SLC25A48: variants seen among roughly 807,000 people sequenced by gnomAD.
SLC25A48 encodes solute carrier family 25 member 48.
A neutral mutation model predicts 32.2 loss-of-function variants in SLC25A48; 29 were observed. That is an observed-to-expected ratio of 0.90 (90% CI 0.67 to 1.23). The LOEUF (loss-of-function observed/expected upper bound fraction) is 1.23, where lower values mean the gene tolerates loss of function less well. Among genes scored for constraint, SLC25A48 ranks in the 50% most tolerant of loss-of-function variants. SLC25A48 has a pLI of 0.00. For missense variants in SLC25A48, 399 were observed against 422.7 expected, an observed-to-expected ratio of 0.94 and a Z score of 0.49; for synonymous variants, 164 against 172.3, an observed-to-expected ratio of 0.95 and a Z score of 0.38.
At chr5:135,824,306 C>T (rs931483235) in intron 4 of SLC25A48, 2 of 152,306 alleles carry the variant, frequency 1.3e-5, no homozygotes, top group Non-Finnish European at 2.9e-5. Flanking sequence ...CTTTGTAAGA[C>T]CCCTCTGGAC....
chr5:135,772,008 C>T (rs1159769139), intron 3 of SLC25A48, among the ~76,000 whole-genome samples: 4 of 151,322 alleles, frequency 2.6e-5, no homozygotes, highest in African/African-American at 7.3e-5. Context: ...CTGTACACTC[C>T]CCTATGATAT....
intron 3 of SLC25A48, among the ~76,000 whole-genome samples, chr5:135,756,852 T>C (rs1022127268): frequency 6.6e-6 from 1 of 151,714 alleles, no homozygotes; most frequent in African/African-American, 2.4e-5. Context: ...TAACACAGTG[T>C]TAGCACACTA....
At chr5:135,832,131 C>T (rs560075553), upstream of SLC25A48, among the ~76,000 whole-genome samples, 39 of 152,086 alleles carry the variant, frequency 2.6e-4, no homozygotes, top group Non-Finnish European at 4.9e-4. Context: ...TAAGATGACC[C>T]GAGCCACCCA....
At position 135,866,980 on chromosome 5, in the gene SLC25A48, C is replaced by T. The variant is rs1761253250; in HGVS notation, c.422-4481C>T. On this transcript the variant is annotated intron_variant, in intron 4 of 7. Coordinates refer to ENST00000681962, the MANE Select transcript of SLC25A48 (RefSeq NM_001349336.2). The stretch of plus-strand genomic sequence containing the variant: ...GTAGTATGCCCTTGATCTAGAGAGG[C>T]AGCAGTTTTTGAGGTACGTAATCCA... Among the ~76,000 whole-genome samples the T allele has an allele frequency of 2.0e-5, 3 of 152,136 alleles. No individual in the cohort carries two copies. In the South Asian group the frequency reaches 6.2e-4, roughly 32 times the overall value.
rs1217620749 is a variant in SLC25A48 at position 135,639,616 on chromosome 5, G to A, written c.-521+4660G>A. ...AGATGAATTATGATCAAGCCAGAAT[G>A]GAGAGAACTCAATAAGCATCTCAAA... On this transcript the variant is annotated intron_variant, in intron 3 of 10. Coordinates refer to the SLC25A48 transcript ENST00000646290. 2.0e-5 allele frequency among the ~76,000 whole-genome samples: 3 copies of A among 152,084 alleles called. No homozygotes were observed. The South Asian group carries it at 6.2e-4, about 32-fold the overall frequency.
chr5:135,879,626 G>C (rs1762312852), intron 6 of SLC25A48, among the ~76,000 whole-genome samples: 1 of 151,904 alleles, frequency 6.6e-6, no homozygotes, highest in African/African-American at 2.4e-5. Context: ...GTGTGTGTGT[G>C]TGTGTGTGTG....
chr5:135,843,716 G>T (rs1026166143), intron 2 of SLC25A48, among the ~76,000 whole-genome samples: 6 of 152,212 alleles, frequency 3.9e-5, no homozygotes, highest in Non-Finnish European at 7.3e-5. Flanking sequence ...GGACAAGCTA[G>T]TGCAAAGCCC....
chr5:135,591,206 C>G (rs1751518732), intron 1 of SLC25A48, among the ~76,000 whole-genome samples: 1 of 152,220 alleles, frequency 6.6e-6, no homozygotes, highest in Non-Finnish European at 1.5e-5. Context: ...ACACAATGAC[C>G]CTGCAGATAT....
At chr5:135,611,460 G>A (rs1053581911) in intron 1 of SLC25A48, among the ~76,000 whole-genome samples, 3 of 116,820 alleles carry the variant, frequency 2.6e-5, no homozygotes, top group African/African-American at 1.0e-4. Flanking sequence ...TTGTGCCACT[G>A]CACTCCAGAC....
At chr5:135,808,494 A>G (rs1462451512) in intron 3 of SLC25A48, among the ~76,000 whole-genome samples, 1 of 152,128 alleles carries the variant, frequency 6.6e-6, no homozygotes, top group East Asian at 1.9e-4. Flanking sequence ...ATACTTTACC[A>G]TAACCATTTA....
At chr5:135,867,830 A>G (rs1761321295) in intron 4 of SLC25A48, among the ~76,000 whole-genome samples, 1 of 152,338 alleles carries the variant, frequency 6.6e-6, no homozygotes, top group South Asian at 2.1e-4. Flanking sequence ...CCCAATATGA[A>G]TCATCCATAC....
chr5:135,847,689 G>C (rs550251475), intron 2 of SLC25A48, among the ~76,000 whole-genome samples: 117 of 152,260 alleles, frequency 7.7e-4, no homozygotes, highest in African/African-American at 2.6e-3. Flanking sequence ...GGAGAGAAGA[G>C]GAGCCATGAT....
At chr5:135,835,495 A>G (rs554515070) in intron 1 of SLC25A48, among the ~76,000 whole-genome samples, 1 of 152,176 alleles carries the variant, frequency 6.6e-6, no homozygotes, top group Non-Finnish European at 1.5e-5. Flanking sequence ...TTCTCCGGGC[A>G]CTGTTGGGTC....
intron 3 of SLC25A48, among the ~76,000 whole-genome samples, chr5:135,851,805 CAT>C (rs931803245): frequency 7.9e-5 from 12 of 152,274 alleles, no homozygotes; most frequent in Non-Finnish European, 1.3e-4. Flanking sequence ...TTCCTCAGCA[CAT>C]CTGTGGTGTT....
At chr5:135,637,365 G>A (rs189567193) in intron 3 of SLC25A48, among the ~76,000 whole-genome samples, 10 of 151,922 alleles carry the variant, frequency 6.6e-5, no homozygotes, top group South Asian at 2.1e-4. Flanking sequence ...TCTTCCCCCC[G>A]ACCCCCATGC....
intron 3 of SLC25A48, among the ~76,000 whole-genome samples, chr5:135,730,107 C>T (rs1755190111): frequency 6.6e-6 from 1 of 152,126 alleles, no homozygotes; most frequent in Non-Finnish European, 1.5e-5. Flanking sequence ...TAAAAATCAC[C>T]ATGATTTTGG....
At chr5:135,823,441 T>C (rs896777614) in intron 4 of SLC25A48, among the ~76,000 whole-genome samples, 6 of 152,190 alleles carry the variant, frequency 3.9e-5, no homozygotes, top group Admixed American at 3.9e-4. Context: ...CCTATCACCA[T>C]GGAGTCTGAT....
intron 3 of SLC25A48, among the ~76,000 whole-genome samples, chr5:135,759,683 G>A (rs1370630019): frequency 6.6e-6 from 1 of 152,094 alleles, no homozygotes; most frequent in East Asian, 1.9e-4. Flanking sequence ...AATCAAGTAA[G>A]ATGCAGTCCT....
intron 3 of SLC25A48, among the ~76,000 whole-genome samples, chr5:135,678,001 C>T (rs1753809707): frequency 6.6e-6 from 1 of 152,150 alleles, no homozygotes; most frequent in Non-Finnish European, 1.5e-5. Context: ...ATGAAGAAGA[C>T]CTTTTTGCAT....
Sources: gnomAD v4.1 joint callset for allele counts (sites outside exome capture counted in the v4.1 genomes callset) on GRCh38, gnomAD v4.1.1 for gene constraint, MANE v1.5 for transcripts, NCBI Gene and HGNC (gene_info 2026-07-23, HGNC 2026-07-21) for gene names.